The following MMP16 variants were observed in gnomAD, a reference collection of about 807,000 sequenced individuals.
The protein encoded by MMP16 is matrix metalloproteinase-16.
A neutral mutation model predicts 67.8 loss-of-function variants in MMP16; 12 were observed. The ratio of observed to expected loss-of-function variants is 0.18; its 90% CI spans 0.11 to 0.29. The LOEUF (loss-of-function observed/expected upper bound fraction) is 0.29, where lower values mean the gene tolerates loss of function less well. Ranked by LOEUF, MMP16 falls within the 10% of genes least tolerant of loss-of-function variation. The pLI is 1.00. For synonymous variants in MMP16, 249 were observed against 255.9 expected, an observed-to-expected ratio of 0.97 and a Z score of 0.26; for missense variants, 475 against 765.7, an observed-to-expected ratio of 0.62 and a Z score of 4.48.
intron 1 of MMP16, among the ~76,000 whole-genome samples, chr8:88,282,200 G>A (rs997269782): frequency 6.6e-6 from 1 of 151,186 alleles, no homozygotes; most frequent in African/African-American, 2.4e-5. Context: ...TCAGTTTCCT[G>A]AGTAGCTGAG....
intron 1 of MMP16, among the ~76,000 whole-genome samples, chr8:88,301,599 G>A (rs183603139): frequency 1.3e-5 from 2 of 152,238 alleles, no homozygotes; most frequent in East Asian, 3.9e-4. Flanking sequence ...ATGACATTAT[G>A]TGTATATAGT....
At chr8:88,219,744 A>C (rs1809648246) in intron 1 of MMP16, among the ~76,000 whole-genome samples, 1 of 152,156 alleles carries the variant, frequency 6.6e-6, no homozygotes, top group South Asian at 2.1e-4. Context: ...TTCAGTGTGG[A>C]CATTGTAGCT....
intron 4 of MMP16, among the ~76,000 whole-genome samples, chr8:88,143,866 A>G (rs902513499): frequency 6.6e-6 from 1 of 152,046 alleles, no homozygotes; most frequent in East Asian, 1.9e-4. Flanking sequence ...GAGGCCAGGA[A>G]TCAGATTGGA....
At chr8:88,163,973 A>G in intron 4 of MMP16, among the ~76,000 whole-genome samples, 1 of 152,260 alleles carries the variant, frequency 6.6e-6, no homozygotes, top group Non-Finnish European at 1.5e-5. Context: ...TTTTAATAAA[A>G]CTATTTTGTA....
intron 1 of MMP16, among the ~76,000 whole-genome samples, chr8:88,308,840 A>G (rs961355577): frequency 1.3e-5 from 2 of 152,068 alleles, no homozygotes; most frequent in African/African-American, 4.8e-5. Flanking sequence ...GCCAATTTTA[A>G]TATATACAGA....
At chr8:88,153,978 G>A (rs998325829) in intron 4 of MMP16, among the ~76,000 whole-genome samples, 10 of 150,088 alleles carry the variant, frequency 6.7e-5, no homozygotes, top group Non-Finnish European at 1.2e-4. Flanking sequence ...CTGACAAAGG[G>A]CTAATATCCA....
At chr8:88,265,939 C>G (rs1322114301) in intron 1 of MMP16, among the ~76,000 whole-genome samples, 1 of 152,152 alleles carries the variant, frequency 6.6e-6, no homozygotes, top group Non-Finnish European at 1.5e-5. Flanking sequence ...CAATCTGGAT[C>G]TGACTGCTCA....
chr8:88,105,207 C>T (rs548726766), intron 6 of MMP16, among the ~76,000 whole-genome samples: 57 of 148,096 alleles, frequency 3.8e-4, no homozygotes, highest in African/African-American at 1.4e-3. Flanking sequence ...TTGTTATTTG[C>T]TATACCACTA....
chr8:88,149,273 G>A (rs187491798), intron 4 of MMP16, among the ~76,000 whole-genome samples: 5 of 152,334 alleles, frequency 3.3e-5, no homozygotes, highest in East Asian at 1.9e-4. Flanking sequence ...AGGCGGCAGC[G>A]AGGCTGGGTG....
At chr8:88,263,960 T>TAGAGAG (rs1298231842) in intron 1 of MMP16, among the ~76,000 whole-genome samples, 1 of 127,612 alleles carries the variant, frequency 7.8e-6, no homozygotes, top group African/African-American at 2.9e-5. Flanking sequence ...ATGGCATATA[T>TAGAGAG]AGAGAGAGAG....
chr8:88,249,301 A>G (rs1160717122), intron 1 of MMP16, among the ~76,000 whole-genome samples: 1 of 152,112 alleles, frequency 6.6e-6, no homozygotes, highest in African/African-American at 2.4e-5. Context: ...AAAGAATGTA[A>G]TAAGTCCTGA....
intron 4 of MMP16, among the ~76,000 whole-genome samples, chr8:88,142,808 C>T (rs1412256258): frequency 1.3e-5 from 2 of 152,054 alleles, no homozygotes; most frequent in Non-Finnish European, 2.9e-5. Flanking sequence ...ATCTTCCCCA[C>T]CCTACACGTT....
chr8:88,071,656 C>T (rs1704766487), intron 7 of MMP16, among the ~76,000 whole-genome samples: 1 of 152,104 alleles, frequency 6.6e-6, no homozygotes, highest in African/African-American at 2.4e-5. Context: ...CCAACTTGTA[C>T]ATGGCTATAA....
chr8:88,041,021 A>G lies in MMP16; in HGVS notation c.*440T>C, dbSNP rs1808125195. ...TCCCTTTGTTTTAAAGCAAAAAAAG[A>G]AAAAAAGAAAAAAAGAAAAAAAGAA... On this transcript the variant is annotated 3_prime_UTR_variant, in exon 10 of 10. Transcript: ENST00000286614. This position sits in a 1 kb window ranked among gnomAD's most constrained non-coding sequence, Gnocchi z 6.0. The G allele has an allele frequency of 1.0e-5, 1 of 95,418 alleles. No homozygotes were observed. Among genetic ancestry groups the G allele is most frequent in the Non-Finnish European group, 2.9e-5 (1 of 34,888 alleles). 5.9% of individuals were successfully genotyped at this position (95,418 alleles called of 1,614,324 possible).
chr8:88,312,612 C>G (rs893308458), intron 1 of MMP16, among the ~76,000 whole-genome samples: 15 of 152,234 alleles, frequency 9.9e-5, no homozygotes, highest in African/African-American at 3.4e-4. Context: ...TCCCTCCCAG[C>G]CCTCCTGCCC....
At chr8:88,211,496 A>G (rs1016299133) in intron 1 of MMP16, among the ~76,000 whole-genome samples, 1 of 152,190 alleles carries the variant, frequency 6.6e-6, no homozygotes, top group Non-Finnish European at 1.5e-5. Context: ...GGTTTGTATG[A>G]GTATACAAGT....
chr8:88,087,805 T>C (rs1808860610), intron 6 of MMP16, among the ~76,000 whole-genome samples: 1 of 151,202 alleles, frequency 6.6e-6, no homozygotes, highest in South Asian at 2.1e-4. Context: ...TAGCTGGGCA[T>C]GGTGGTTGCA....
At chr8:88,080,027 C>T (rs1377910314) in intron 6 of MMP16, among the ~76,000 whole-genome samples, 1 of 152,210 alleles carries the variant, frequency 6.6e-6, no homozygotes, top group Non-Finnish European at 1.5e-5. Context: ...GTACTCTGCA[C>T]TTTGACTTCA....
chr8:88,084,333 A>G (rs1015596434), intron 6 of MMP16, among the ~76,000 whole-genome samples: 1 of 151,984 alleles, frequency 6.6e-6, no homozygotes, highest in Non-Finnish European at 1.5e-5. Context: ...GCCAAATCTA[A>G]TTGGGCCTTC....
Sources: allele counts gnomAD v4.1 joint callset (sites outside exome capture counted in the v4.1 genomes callset), GRCh38; gene constraint gnomAD v4.1.1; non-coding constraint Gnocchi (gnomAD v3.1); transcripts MANE v1.5; gene names NCBI Gene and HGNC (gene_info 2026-07-23, HGNC 2026-07-21).